Variants in SERINC5 observed in about 807,000 individuals in gnomAD.
SERINC5 encodes serine incorporator 5.
Under a neutral mutation model 63.1 loss-of-function variants are expected in SERINC5, and 41 were observed. The ratio of observed to expected loss-of-function variants is 0.65; its 90% CI spans 0.51 to 0.84. The LOEUF (loss-of-function observed/expected upper bound fraction) is 0.84, where lower values mean the gene tolerates loss of function less well. SERINC5 is among the 40% of genes least tolerant of loss of function. The pLI is 0.00. For missense variants in SERINC5, 523 were observed against 573.0 expected (o/e 0.91, Z 0.89); for synonymous variants, 222 against 215.2 (o/e 1.03, Z -0.28).
At chr5:80,213,510 GA>G (rs1750529451) in intron 1 of SERINC5, among the ~76,000 whole-genome samples, 1 of 152,192 alleles carries the variant, frequency 6.6e-6, no homozygotes, top group African/African-American at 2.4e-5. Context: ...ATAAGCGCAT[GA>G]ACAAGACAGG....
At chr5:80,188,855 A>G (rs1051057868) in intron 2 of SERINC5, among the ~76,000 whole-genome samples, 1 of 152,092 alleles carries the variant, frequency 6.6e-6, no homozygotes, top group African/African-American at 2.4e-5. Context: ...TTCAGCCCAG[A>G]AGGTTGAGGC....
chr5:80,228,464 T>C (rs570829644), intron 1 of SERINC5, among the ~76,000 whole-genome samples: 1 of 151,974 alleles, frequency 6.6e-6, no homozygotes, highest in Non-Finnish European at 1.5e-5. Flanking sequence ...TAAGAATTTT[T>C]TTTTTGTTTA....
intron 1 of SERINC5, among the ~76,000 whole-genome samples, chr5:80,221,945 A>G (rs2112540301): frequency 6.6e-6 from 1 of 152,142 alleles, no homozygotes; most frequent in South Asian, 2.1e-4. Flanking sequence ...CCAGGAGTTC[A>G]AGACCACCCT....
At chr5:80,227,766 T>C (rs1351158523) in intron 1 of SERINC5, among the ~76,000 whole-genome samples, 1 of 152,050 alleles carries the variant, frequency 6.6e-6, no homozygotes, top group African/African-American at 2.4e-5. Flanking sequence ...TGAGAATCGC[T>C]TGAACCCGGA....
chr5:80,241,566 G>A (rs1325997936), intron 1 of SERINC5, among the ~76,000 whole-genome samples: 1 of 152,018 alleles, frequency 6.6e-6, no homozygotes, highest in East Asian at 1.9e-4. Flanking sequence ...AAGAACAGAA[G>A]AGGAAATGAG....
rs766180751 is a variant in SERINC5 at position 80,255,915 on chromosome 5, G to A, written c.8C>T (p.Ala3Val). Residue 3 changes from alanine (A) to valine (V), a missense_variant, in exon 1 of 12, where the codon GCT becomes GTT. Transcript: ENST00000507668. MS[A>V]QCCAGQLACC... ...GCTCACCTGGCCCGCACAGCACTGA[G>A]CTGACATCGCGGCGGCCAATGCCGA... The A allele has an allele frequency of 2.5e-6, 4 of 1,570,314 alleles. No individual in the cohort carries two copies. The South Asian group carries it at 3.4e-5, about 14-fold the overall frequency.
At chr5:80,255,790 G>T in intron 1 of SERINC5, 106 bp downstream of exon 1, 2 of 1,213,926 alleles carry the variant, frequency 1.6e-6, no homozygotes. Flanking sequence ...CGGGCCCTAC[G>T]TTCGGCCGCG....
chr5:80,167,765 C>T (rs890678496), intron 6 of SERINC5, among the ~76,000 whole-genome samples: 3 of 152,152 alleles, frequency 2.0e-5, no homozygotes, highest in Admixed American at 6.5e-5. Flanking sequence ...TTCAAGGAAA[C>T]TAAGGGTTCA....
intron 11 of SERINC5, among the ~76,000 whole-genome samples, chr5:80,125,844 A>G (rs1271658996): frequency 1.3e-5 from 2 of 152,192 alleles, no homozygotes; most frequent in Non-Finnish European, 2.9e-5. Context: ...GTAGGGAGGA[A>G]AATAGATGTA....
At chr5:80,249,696 G>A (rs1752318243) in intron 1 of SERINC5, among the ~76,000 whole-genome samples, 1 of 151,988 alleles carries the variant, frequency 6.6e-6, no homozygotes, top group Admixed American at 6.6e-5. Context: ...CAGCTACTCA[G>A]GAGACTGAGG....
intron 7 of SERINC5, among the ~76,000 whole-genome samples, chr5:80,163,712 T>G (rs1214715299): frequency 6.6e-6 from 1 of 152,218 alleles, no homozygotes; most frequent in Non-Finnish European, 1.5e-5. Flanking sequence ...GCATCCATGG[T>G]ATAATACCCA....
intron 6 of SERINC5, among the ~76,000 whole-genome samples, chr5:80,168,689 G>A (rs1415156540): frequency 2.6e-5 from 4 of 152,226 alleles, no homozygotes; most frequent in Admixed American, 2.6e-4. Flanking sequence ...CCTGGCTTAA[G>A]AAACCAAGAG....
At chr5:80,181,450 T>A (rs10065285) in intron 2 of SERINC5, among the ~76,000 whole-genome samples, 55,460 of 127,640 alleles carry the variant, frequency 0.43, 10,578 homozygotes, top group Admixed American at 0.47. Flanking sequence ...GTGTGTACAG[T>A]TGGTGTTTCA....
chr5:80,239,755 A>G (rs1275191412), intron 1 of SERINC5, among the ~76,000 whole-genome samples: 2 of 152,182 alleles, frequency 1.3e-5, no homozygotes, highest in Non-Finnish European at 2.9e-5. Context: ...AGCCTTGAGA[A>G]GCCAGCAGGA....
chr5:80,124,954 G>A (rs982410731), intron 11 of SERINC5, among the ~76,000 whole-genome samples: 22 of 152,100 alleles, frequency 1.4e-4, no homozygotes, highest in African/African-American at 4.3e-4. Context: ...AAGAGGGATG[G>A]TTCCAACCAA....
chr5:80,194,305 C>T (rs1047385197), intron 2 of SERINC5, among the ~76,000 whole-genome samples: 1 of 150,714 alleles, frequency 6.6e-6, no homozygotes, highest in Non-Finnish European at 1.5e-5. Context: ...CTATGCCAGC[C>T]CCTGATGCAG....
intron 1 of SERINC5, among the ~76,000 whole-genome samples, chr5:80,209,653 C>T (rs933511582): frequency 2.3e-4 from 35 of 152,180 alleles, no homozygotes; most frequent in African/African-American, 8.0e-4. Context: ...GAACAGGGGA[C>T]ATCTATGATA....
chr5:80,161,382 T>C (rs540423640), intron 7 of SERINC5, among the ~76,000 whole-genome samples: 3 of 148,402 alleles, frequency 2.0e-5, no homozygotes, highest in South Asian at 4.1e-4. Flanking sequence ...TTTTTAATAA[T>C]AGCCACTCTG....
chr5:80,174,575 A>T (rs1291325893), intron 5 of SERINC5, among the ~76,000 whole-genome samples: 1 of 151,884 alleles, frequency 6.6e-6, no homozygotes, highest in South Asian at 2.1e-4. Flanking sequence ...CAATGAGCAC[A>T]TTTTCTAGAT....
Sources: allele counts gnomAD v4.1 joint callset (sites outside exome capture counted in the v4.1 genomes callset), GRCh38; gene constraint gnomAD v4.1.1; transcripts MANE v1.5; gene names NCBI Gene and HGNC (gene_info 2026-07-23, HGNC 2026-07-21).